ZBTB20: variants seen among roughly 807,000 people sequenced by gnomAD.
ZBTB20 encodes zinc finger and BTB domain-containing protein 20.
A neutral mutation model predicts 56.9 loss-of-function variants in ZBTB20; 9 were observed. The observed-to-expected ratio is 0.16, with a 90% CI of 0.10 to 0.28. ZBTB20 has a LOEUF of 0.28. Ranked by LOEUF, ZBTB20 falls within the 10% of genes least tolerant of loss-of-function variation. The probability of loss-of-function intolerance (pLI) is 1.00; values close to 1 mark genes in which losing one functional copy is unlikely to be tolerated. For synonymous variants in ZBTB20, 417 were observed against 420.7 expected (o/e 0.99, Z 0.11); for missense variants, 655 against 1,003.0 (o/e 0.65, Z 4.69).
At chr3:115,025,648 C>A (rs1442442360) in intron 2 of ZBTB20, among the ~76,000 whole-genome samples, 4 of 150,642 alleles carry the variant, frequency 2.7e-5, no homozygotes, top group Non-Finnish European at 5.9e-5. Context: ...AATATAATGT[C>A]TTTAGGAAAA....
At chr3:114,578,705 T>C (rs532802384) in intron 6 of ZBTB20, among the ~76,000 whole-genome samples, 1 of 151,830 alleles carries the variant, frequency 6.6e-6, no homozygotes, top group South Asian at 2.1e-4. Context: ...CCCAGATAAA[T>C]TGCTATTTAA....
Position 114,337,362 on chromosome 3 carries a change from GA to G in ZBTB20, c.*1642del, listed in dbSNP as rs997113066. On this transcript the variant is annotated 3_prime_UTR_variant, in exon 12 of 12. Transcript: ENST00000675478. The stretch of plus-strand genomic sequence containing the variant: ...CTCCTCTTCCTGGCTGATCACAAAA[GA>G]AAAGACCCCATTTATCAAGACTTCT... 3 of 152,150 alleles carry G rather than the reference GA, an allele frequency of 2.0e-5. No homozygotes were observed. Among genetic ancestry groups the G allele is most frequent in the African/African-American group, 7.2e-5 (3 of 41,440 alleles). The allele number at this position is 152,150 out of a possible 1,614,324, so 9.4% of individuals were successfully genotyped here.
At chr3:114,849,293 T>A (rs1373180065) in intron 4 of ZBTB20, among the ~76,000 whole-genome samples, 2 of 152,254 alleles carry the variant, frequency 1.3e-5, no homozygotes, top group African/African-American at 4.8e-5. Context: ...CTGGCTTTTA[T>A]CTTCCATATA....
chr3:114,794,328 CTTA>C lies in ZBTB20; in HGVS notation c.-343+6770_-343+6772del, dbSNP rs562340759. On this transcript the variant is annotated intron_variant, in intron 5 of 11. Transcript: ENST00000675478. Reference sequence around the variant, plus strand: ...TTTGTACATAGACTCATCTCCTGCACTTAATATTTCTTTTTCTACACAAGACCT... The same window carrying C: ...TTTGTACATAGACTCATCTCCTGCACATATTTCTTTTTCTACACAAGACCT... Among the ~76,000 whole-genome samples, 11 of 152,022 alleles carry C rather than the reference CTTA, an allele frequency of 7.2e-5. No homozygotes were observed. In the South Asian group the frequency reaches 2.1e-3, roughly 29 times the overall value.
chr3:114,350,742 T>A lies in ZBTB20; in HGVS notation c.1336A>T (p.Ile446Phe). The A allele has an allele frequency of 6.2e-7, 1 of 1,614,206 alleles. No homozygotes were observed. Among genetic ancestry groups the A allele is most frequent in the Middle Eastern group, 1.6e-4 (1 of 6,062 alleles). The change falls in exon 11 of 12, where the codon ATC (isoleucine) becomes TTC (phenylalanine). Residue 446 changes from isoleucine to phenylalanine, a missense_variant. Physicochemically the swap from Ile to Phe is conservative, Grantham distance 21. This residue lies in a region of ZBTB20 where 156 missense variants were observed against 181.0 expected (regional missense o/e 0.86). Transcript: ENST00000675478. ...TTGTCGGAGCTGTTGCTGACAGTGA[T>A]AACAGTGCTGTCCATCTCCACTTCA... ...SNEVEMDSTV[I>F]TVSNSSDKSV... is the part of the protein sequence containing the mutation.
intron 1 of ZBTB20, among the ~76,000 whole-genome samples, chr3:115,103,519 C>T (rs1041384048): frequency 6.6e-6 from 1 of 152,094 alleles, no homozygotes; most frequent in Non-Finnish European, 1.5e-5. Context: ...ATCAGTGCAA[C>T]AAAATAGACA....
chr3:115,059,447 AGT>A (rs2081937225), intron 2 of ZBTB20, among the ~76,000 whole-genome samples: 1 of 152,194 alleles, frequency 6.6e-6, no homozygotes, highest in Admixed American at 6.5e-5. Flanking sequence ...CTATTAACAA[AGT>A]GTCTCCACTT....
At chr3:114,652,854 G>C (rs1355493752) in intron 6 of ZBTB20, among the ~76,000 whole-genome samples, 1 of 151,664 alleles carries the variant, frequency 6.6e-6, no homozygotes, top group African/African-American at 2.4e-5. Context: ...ATTTTGAGTG[G>C]GGAATCTTAC....
At chr3:115,019,896 G>A (rs187232756) in intron 2 of ZBTB20, among the ~76,000 whole-genome samples, 2 of 151,300 alleles carry the variant, frequency 1.3e-5, no homozygotes, top group African/African-American at 4.8e-5. Context: ...CAAATGCAGA[G>A]AAAAGTTAGA....
At chr3:114,627,899 A>G (rs185160351) in intron 6 of ZBTB20, among the ~76,000 whole-genome samples, 51 of 152,280 alleles carry the variant, frequency 3.3e-4, no homozygotes, top group Admixed American at 3.1e-3. Flanking sequence ...AATTTTCAGT[A>G]GAGGACGGCA....
Position 114,339,322 on chromosome 3 carries a change from T to C in ZBTB20, c.1909A>G (p.Ser637Gly). ...TGGGTGAAGCGCTTGTTGCAGATAC[T>C]ACACTGGTATGCCCTCACTCCTGTG... is the stretch of plus-strand genomic sequence containing the variant. ...THTGVRAYQC[S>G]ICNKRFTQKS... The change falls in exon 12 of 12, where the codon AGT becomes GGT. Residue 637 changes from serine (S) to glycine (G), a missense_variant. Physicochemically the swap from Ser to Gly is moderately conservative, Grantham distance 56. Around this residue, in one of 10 missense-constraint regions of ZBTB20, gnomAD observed 10 missense variants for 98.5 expected, o/e 0.10. Transcript: ENST00000675478. The surrounding 1 kb of genome is among the most constrained non-coding windows in gnomAD (Gnocchi z 4.2). 2 of 1,614,200 alleles carry C rather than the reference T, an allele frequency of 1.2e-6. No individual in the cohort carries two copies. The highest frequency in any genetic ancestry group is 1.7e-6 in the Non-Finnish European group (2 of 1,180,040).
chr3:114,695,930 T>G (rs994594697), intron 5 of ZBTB20, among the ~76,000 whole-genome samples: 54 of 152,174 alleles, frequency 3.5e-4, no homozygotes, highest in African/African-American at 1.3e-3. Flanking sequence ...TTTCATTATT[T>G]CTCTGTAATA....
chr3:115,117,299 GCTGA>G (rs2084047418), intron 1 of ZBTB20, among the ~76,000 whole-genome samples: 1 of 152,056 alleles, frequency 6.6e-6, no homozygotes, highest in Non-Finnish European at 1.5e-5. Context: ...AGTATGAAAA[GCTGA>G]CTTAGAAAAA....
intron 6 of ZBTB20, among the ~76,000 whole-genome samples, chr3:114,573,364 G>C (rs1465203348): frequency 6.6e-6 from 1 of 151,746 alleles, no homozygotes; most frequent in African/African-American, 2.4e-5. Context: ...GGAGGCTGTG[G>C]CACAAGAATT....
chr3:114,351,441 G>T lies in ZBTB20; in HGVS notation c.637C>A (p.Arg213=). ...GACGTGCCTGACTCGGGAGTGCCCC[G>T]CGGCGTGTCCTGGCCCGAGTCCTGG... is the stretch of plus-strand genomic sequence containing the variant. ...GIQDSGQDTP[R]GTPESGTSGQ... Residue 213 remains arginine (R), a synonymous_variant, in exon 11 of 12, where the codon CGG becomes AGG. Transcript: ENST00000675478. 6.2e-7 allele frequency: 1 copy of T among 1,613,396 alleles called. No individual in the cohort carries two copies.
At position 114,680,705 on chromosome 3, in the gene ZBTB20, C is replaced by A. The variant is rs75177588; in HGVS notation, c.-295+12823G>T. On this transcript the variant is annotated intron_variant, in intron 6 of 11. Transcript: ENST00000675478. ...GTTAATTTGAATAAAAACCTTTACA[C>A]ATCAACTAGATACAAAAGAGAAATC... Among the ~76,000 whole-genome samples the A allele has an allele frequency of 1.2e-3, 182 of 152,276 alleles. 3 individuals are homozygous for A. The East Asian group carries it at 0.032, about 27-fold the overall frequency.
chr3:114,767,206 A>G (rs1378991186), intron 5 of ZBTB20, among the ~76,000 whole-genome samples: 1 of 152,092 alleles, frequency 6.6e-6, no homozygotes, highest in Non-Finnish European at 1.5e-5. Context: ...ATATTCAAGT[A>G]GGGACCCAAA....
At chr3:114,988,019 T>C (rs926574069) in intron 2 of ZBTB20, among the ~76,000 whole-genome samples, 1 of 151,828 alleles carries the variant, frequency 6.6e-6, no homozygotes, top group Non-Finnish European at 1.5e-5. Flanking sequence ...ATCGTCTTCT[T>C]TTTTTTTCTT....
chr3:114,406,577 A>G (rs903148322), intron 7 of ZBTB20, among the ~76,000 whole-genome samples: 2 of 152,172 alleles, frequency 1.3e-5, no homozygotes, highest in African/African-American at 4.8e-5. Flanking sequence ...TCGAGATGAC[A>G]ACATACATTA....
Sources: gnomAD v4.1 joint callset for allele counts (sites outside exome capture counted in the v4.1 genomes callset) on GRCh38, gnomAD v4.1.1 for gene constraint, gnomAD v4.1.1 regional missense constraint, Gnocchi (gnomAD v3.1) non-coding constraint, MANE v1.5 for transcripts, NCBI Gene and HGNC (gene_info 2026-07-23, HGNC 2026-07-21) for gene names.